The following TRIO variants were observed in gnomAD, a reference collection of about 807,000 sequenced individuals.
TRIO encodes the protein trio Rho guanine nucleotide exchange factor.
A neutral mutation model predicts 351.9 loss-of-function variants in TRIO; 58 were observed. The observed-to-expected ratio is 0.16, with a 90% CI of 0.13 to 0.21. TRIO has a LOEUF of 0.21. TRIO is among the 10% of genes least tolerant of loss of function. TRIO has a pLI of 1.00. For missense variants in TRIO, 3,201 were observed against 4,027.8 expected (o/e 0.79, Z 5.56); for synonymous variants, 1,758 against 1,595.7 (o/e 1.10, Z -2.42).
chr5:14,360,838 T>TC (rs1374308864), intron 13 of TRIO, among the ~76,000 whole-genome samples: 2 of 152,216 alleles, frequency 1.3e-5, no homozygotes, highest in African/African-American at 4.8e-5. Flanking sequence ...CTCTGCTCAT[T>TC]CTCATCATTA....
At chr5:14,351,413 T>C (rs1308517864) in intron 11 of TRIO, among the ~76,000 whole-genome samples, 1 of 152,238 alleles carries the variant, frequency 6.6e-6, no homozygotes, top group Admixed American at 6.5e-5. Context: ...CTTCTGCTTC[T>C]GACTTGCAGC....
chr5:14,195,865 A>T (rs1311884867), intron 1 of TRIO, among the ~76,000 whole-genome samples: 1 of 151,188 alleles, frequency 6.6e-6, no homozygotes, highest in African/African-American at 2.4e-5. Flanking sequence ...GCCCTTGCTT[A>T]TTTTTTTTGT....
chr5:14,318,203 A>G (rs982833340), intron 9 of TRIO, among the ~76,000 whole-genome samples: 1 of 147,974 alleles, frequency 6.8e-6, no homozygotes, highest in Non-Finnish European at 1.5e-5. Context: ...CTGAGGCAAG[A>G]GAATCACTTG....
At chr5:14,187,495 T>A (rs1790194263) in intron 1 of TRIO, among the ~76,000 whole-genome samples, 2 of 152,166 alleles carry the variant, frequency 1.3e-5, no homozygotes, top group Admixed American at 6.5e-5. Context: ...CATAATTGAC[T>A]CTCAGTCAGT....
chr5:14,366,745 C>G, intron 15 of TRIO, 115 bp from the exon 16 acceptor site: 1 of 1,482,794 alleles, frequency 6.7e-7, no homozygotes, highest in African/African-American at 1.4e-5. Flanking sequence ...GGCATCAGTG[C>G]CTCGTACCTG....
At chr5:14,258,968 C>G (rs574506078) in intron 1 of TRIO, among the ~76,000 whole-genome samples, 1 of 152,194 alleles carries the variant, frequency 6.6e-6, no homozygotes. Flanking sequence ...GTGCTGCCTT[C>G]GAGTTCCTAA....
At chr5:14,474,885 A>G (rs1422656766) in intron 40 of TRIO, among the ~76,000 whole-genome samples, 1 of 152,130 alleles carries the variant, frequency 6.6e-6, no homozygotes, top group African/African-American at 2.4e-5. Flanking sequence ...GTGTTGCCTA[A>G]GCTGGTCTTG....
chr5:14,454,278 C>A (rs1005101696), intron 34 of TRIO, among the ~76,000 whole-genome samples: 6 of 152,166 alleles, frequency 3.9e-5, no homozygotes, highest in Non-Finnish European at 7.3e-5. Flanking sequence ...CCTGAGCCCC[C>A]ACCCCGACAC....
intron 2 of TRIO, among the ~76,000 whole-genome samples, chr5:14,271,571 C>G (rs697558): frequency 0.067 from 10,191 of 152,218 alleles, 416 homozygotes; most frequent in African/African-American, 0.11. Flanking sequence ...CTTGGGGCCT[C>G]CCTCCCACAT....
rs757662406 is a variant in TRIO at position 14,461,044 on chromosome 5, C to A, written c.5229C>A (p.Asp1743Glu). Residue 1743 changes from aspartate (D) to glutamate (E), a missense_variant, in exon 35 of 57, where the codon GAC (aspartate) becomes GAA (glutamate). By Grantham distance (45) the Asp-to-Glu change is conservative. Around this residue, in one of 19 missense-constraint regions of TRIO, gnomAD observed 193 missense variants for 218.8 expected, o/e 0.88. Transcript: ENST00000344204. ...HKDSLSVSSN[D>E]ASPPASVASL... ...ACTCGCTCTCCGTCTCCAGCAATGA[C>A]GCCAGTCCACCCGCATCCGTGGCTT... 4 of 1,582,784 alleles carry A rather than the reference C, an allele frequency of 2.5e-6. No homozygotes were observed. In the East Asian group the frequency reaches 7.0e-5, roughly 28 times the overall value.
intron 2 of TRIO, among the ~76,000 whole-genome samples, 174 bp downstream of exon 2, chr5:14,271,073 T>C (rs1289863946): frequency 3.3e-5 from 5 of 152,270 alleles, no homozygotes; most frequent in Non-Finnish European, 7.3e-5. Context: ...CAAAGCATTT[T>C]CTTCCAGTTA....
chr5:14,502,788 G>GT (rs1434277942), intron 54 of TRIO, 131 bp downstream of exon 54: 2 of 881,140 alleles, frequency 2.3e-6, no homozygotes, highest in South Asian at 3.2e-5. Flanking sequence ...CATTTGAATC[G>GT]TAACTCTCAT....
In TRIO at chr5:14,497,750, T is replaced by A; in HGVS notation, c.8020-97T>A. On this transcript the variant is annotated intron_variant, in intron 50 of 56. Transcript: ENST00000344204. This position sits in a 1 kb window ranked among gnomAD's most constrained non-coding sequence, Gnocchi z 4.4. ...ATTGATGCCCAGGCAAGTCAGTTTC[T>A]GCAAATCTTTCAACAATAATTGTAG... 1.3e-6 allele frequency: 2 copies of A among 1,528,976 alleles called. No homozygotes were observed. Among genetic ancestry groups the A allele is most frequent in the Non-Finnish European group, 1.8e-6 (2 of 1,104,222 alleles). The allele number at this position is 1,528,976 out of a possible 1,614,324, so 94.7% of individuals were successfully genotyped here.
intron 10 of TRIO, among the ~76,000 whole-genome samples, chr5:14,332,552 G>C (rs113065039): frequency 1.2e-4 from 19 of 152,284 alleles, no homozygotes; most frequent in African/African-American, 4.1e-4. Flanking sequence ...CCTAATATAA[G>C]ATGTATTGTT....
At position 14,465,547 on chromosome 5, in the gene TRIO, C is replaced by G; in HGVS notation, c.5670C>G (p.Ala1890=). The G allele has an allele frequency of 2.5e-6, 4 of 1,614,118 alleles. No homozygotes were observed. Among genetic ancestry groups the G allele is most frequent in the Non-Finnish European group, 3.4e-6 (4 of 1,180,026 alleles). Residue 1890 remains alanine (A), a splice_region_variant and synonymous_variant, in exon 37 of 57, where the codon GCC becomes GCG. Transcript: ENST00000344204. The part of the protein sequence containing the change: ...LLQPDSQDDK[A]SSRLLVRPTS... ...CCTTTTCTTAATTTCTTCTGTAGGC[C>G]TCTTCTCGGTTATTAGTCCGCCCCA...
chr5:14,431,574 G>T (rs1162499027), intron 34 of TRIO, among the ~76,000 whole-genome samples: 3 of 151,994 alleles, frequency 2.0e-5, no homozygotes, highest in Non-Finnish European at 4.4e-5. Context: ...TTGAATGCTA[G>T]AGGGGAAGAA....
chr5:14,381,039 G>A, intron 20 of TRIO, 91 bp from the exon 21 acceptor site: 1 of 1,458,086 alleles, frequency 6.9e-7, no homozygotes, highest in Non-Finnish European at 9.1e-7. Context: ...GCCTTGGTTT[G>A]TGATTTGACC....
At chr5:14,248,600 G>GC (rs1794571071) in intron 1 of TRIO, among the ~76,000 whole-genome samples, 1 of 152,212 alleles carries the variant, frequency 6.6e-6, no homozygotes, top group Non-Finnish European at 1.5e-5. Flanking sequence ...TCAGTTTCCT[G>GC]AGGGGAGCCC....
intron 8 of TRIO, among the ~76,000 whole-genome samples, chr5:14,307,800 T>C (rs1027891544): frequency 2.6e-5 from 4 of 152,256 alleles, no homozygotes; most frequent in African/African-American, 7.2e-5. Flanking sequence ...GTGATGATGA[T>C]CACCTATTTC....
Sources: allele counts gnomAD v4.1 joint callset (sites outside exome capture counted in the v4.1 genomes callset), GRCh38; gene constraint gnomAD v4.1.1; regional missense constraint gnomAD v4.1.1; non-coding constraint Gnocchi (gnomAD v3.1); transcripts MANE v1.5; gene names NCBI Gene and HGNC (gene_info 2026-07-23, HGNC 2026-07-21).